The following EXOC6 variants were observed in gnomAD, a reference collection of about 807,000 sequenced individuals.
EXOC6 encodes the protein SEC15-like 1.
Under a neutral mutation model 112.5 loss-of-function variants are expected in EXOC6, and 60 were observed. The observed-to-expected ratio is 0.53, with a 90% CI of 0.43 to 0.66. The LOEUF (loss-of-function observed/expected upper bound fraction) is 0.66, where lower values mean the gene tolerates loss of function less well. Among genes scored for constraint, EXOC6 ranks in the 30% least tolerant of loss-of-function variants. The pLI, the probability that EXOC6 is intolerant of heterozygous loss-of-function variation, is 0.00. For synonymous variants in EXOC6, 295 were observed against 308.0 expected, an observed-to-expected ratio of 0.96 and a Z score of 0.44; for missense variants, 855 against 957.1, an observed-to-expected ratio of 0.89 and a Z score of 1.41.
At chr10:92,937,636 T>G (rs117896797) in intron 12 of EXOC6, among the ~76,000 whole-genome samples, 55 of 152,266 alleles carry the variant, frequency 3.6e-4, no homozygotes, top group Middle Eastern at 3.4e-3. Context: ...TGTTGTTGTT[T>G]TCATAAATTT....
At chr10:93,042,980 A>C (rs1845853233) in intron 20 of EXOC6, among the ~76,000 whole-genome samples, 1 of 151,760 alleles carries the variant, frequency 6.6e-6, no homozygotes, top group Non-Finnish European at 1.5e-5. Flanking sequence ...GGAGTCGCCC[A>C]GGCTGGAGTG....
intron 6 of EXOC6, among the ~76,000 whole-genome samples, chr10:92,910,745 C>T (rs1015082235): frequency 5.3e-5 from 8 of 152,118 alleles, no homozygotes; most frequent in Middle Eastern, 3.4e-3. Flanking sequence ...CTGGCTAACA[C>T]GGTGAAACCC....
intron 19 of EXOC6, among the ~76,000 whole-genome samples, chr10:93,006,762 A>T (rs1260568481): frequency 6.6e-6 from 1 of 152,200 alleles, no homozygotes; most frequent in East Asian, 1.9e-4. Context: ...TAATATTCAG[A>T]TCTAGATAGA....
chr10:92,920,688 G>GTAGA (rs1851382966), intron 8 of EXOC6, among the ~76,000 whole-genome samples: 1 of 152,124 alleles, frequency 6.6e-6, no homozygotes, highest in Non-Finnish European at 1.5e-5. Context: ...AGAAGTATTG[G>GTAGA]AGTCTTCAAC....
At chr10:92,947,718 G>T (rs1853118070) in intron 13 of EXOC6, among the ~76,000 whole-genome samples, 1 of 152,114 alleles carries the variant, frequency 6.6e-6, no homozygotes, top group Non-Finnish European at 1.5e-5. Flanking sequence ...GACCATCCTG[G>T]CTAACACGGT....
chr10:92,856,377 A>G (rs1847603542), intron 1 of EXOC6, among the ~76,000 whole-genome samples: 2 of 152,028 alleles, frequency 1.3e-5, no homozygotes, highest in Non-Finnish European at 2.9e-5. Context: ...GCTTCATCTA[A>G]AACTTTTTGG....
At chr10:93,050,056 TAA>T (rs1023494703) in intron 20 of EXOC6, among the ~76,000 whole-genome samples, 1 of 152,120 alleles carries the variant, frequency 6.6e-6, no homozygotes, top group Non-Finnish European at 1.5e-5. Flanking sequence ...AAAAAAATTT[TAA>T]AGTTATATAA....
chr10:92,879,474 GAAAAA>G (rs1337639107), intron 1 of EXOC6, among the ~76,000 whole-genome samples: 1 of 151,456 alleles, frequency 6.6e-6, no homozygotes, highest in South Asian at 2.1e-4. Flanking sequence ...CTCTAAAAGA[GAAAAA>G]AAAGCTCATA....
At chr10:92,933,126 G>A (rs752770243) in intron 9 of EXOC6, among the ~76,000 whole-genome samples, 18 of 152,052 alleles carry the variant, frequency 1.2e-4, no homozygotes, top group Non-Finnish European at 2.4e-4. Flanking sequence ...CTTTTGAGTT[G>A]ATAAAAATGG....
At chr10:92,901,057 A>C (rs1351568382) in intron 5 of EXOC6, 1 of 152,144 alleles carries the variant, frequency 6.6e-6, no homozygotes, top group Non-Finnish European at 1.5e-5. Context: ...CTTCATGTTT[A>C]GATTCAAGTT....
chr10:93,010,255 T>C (rs962240506), intron 19 of EXOC6, among the ~76,000 whole-genome samples: 2 of 152,226 alleles, frequency 1.3e-5, no homozygotes, highest in African/African-American at 4.8e-5. Flanking sequence ...TGAATTTCAC[T>C]TCCATATTGA....
chr10:93,056,301 T>C (rs1846534471), intron 20 of EXOC6, among the ~76,000 whole-genome samples: 1 of 152,180 alleles, frequency 6.6e-6, no homozygotes, highest in South Asian at 2.1e-4. Context: ...TTCTTTTTTG[T>C]TGTTGTTTGT....
At chr10:92,935,696 T>TTA in intron 11 of EXOC6, 118 bp from the exon 12 acceptor site, 1 of 767,108 alleles carries the variant, frequency 1.3e-6, no homozygotes, top group Non-Finnish European at 2.1e-6. Flanking sequence ...TTTAAACTTA[T>TTA]TATAAGTCTG....
At chr10:92,949,640 T>C (rs902521856) in intron 14 of EXOC6, among the ~76,000 whole-genome samples, 1 of 151,472 alleles carries the variant, frequency 6.6e-6, no homozygotes. Flanking sequence ...TTGCCCAGGC[T>C]GGAGTGCAAT....
intron 20 of EXOC6, among the ~76,000 whole-genome samples, chr10:93,031,769 T>A (rs1415880906): frequency 1.3e-5 from 2 of 152,168 alleles, no homozygotes; most frequent in Non-Finnish European, 2.9e-5. Flanking sequence ...CGCCTCTGCC[T>A]ACCAAAGTGC....
chr10:92,862,666 A>G (rs563150004), intron 1 of EXOC6, among the ~76,000 whole-genome samples: 13 of 152,296 alleles, frequency 8.5e-5, no homozygotes, highest in African/African-American at 2.9e-4. Context: ...ATGGACTGCT[A>G]TGTGGGCAAT....
intron 20 of EXOC6, among the ~76,000 whole-genome samples, chr10:93,014,797 ATACTC>A (rs1438696791): frequency 6.6e-6 from 1 of 152,184 alleles, no homozygotes; most frequent in African/African-American, 2.4e-5. Flanking sequence ...TCTGGCCACA[ATACTC>A]TAAGTGTAGT....
At chr10:93,025,519 C>T (rs1564920283) in intron 20 of EXOC6, among the ~76,000 whole-genome samples, 3 of 152,128 alleles carry the variant, frequency 2.0e-5, no homozygotes, top group Non-Finnish European at 2.9e-5. Context: ...GTCAAGTGTA[C>T]TATTTTCTTC....
At chr10:93,047,564 AGAG>A (rs899416890) in intron 20 of EXOC6, among the ~76,000 whole-genome samples, 4 of 151,888 alleles carry the variant, frequency 2.6e-5, no homozygotes, top group Non-Finnish European at 5.9e-5. Context: ...CAAAACAAAA[AGAG>A]GAGAAGAAGA....
Sources: gnomAD v4.1 joint callset for allele counts (sites outside exome capture counted in the v4.1 genomes callset) on GRCh38, gnomAD v4.1.1 for gene constraint, MANE v1.5 for transcripts, NCBI Gene and HGNC (gene_info 2026-07-23, HGNC 2026-07-21) for gene names.